ATP10B: variants seen among roughly 807,000 people sequenced by gnomAD.
ATP10B encodes the protein ATPase phospholipid transporting 10B (putative).
ATP10B carries 122 observed loss-of-function variants against 141.2 expected under a neutral mutation model. The observed-to-expected ratio is 0.86, with a 90% confidence interval of 0.75 to 1.00. The LOEUF is 1.00. Ranked by LOEUF, ATP10B falls within the 50% of genes least tolerant of loss-of-function variation. The pLI is 0.00. For synonymous variants in ATP10B, 685 were observed against 692.0 expected, an observed-to-expected ratio of 0.99 and a Z score of 0.16; for missense variants, 1,876 against 1,825.3, an observed-to-expected ratio of 1.03 and a Z score of -0.51.
the ATP10B span, among the ~76,000 whole-genome samples, chr5:160,916,223 T>C: frequency 6.6e-6 from 1 of 152,228 alleles, no homozygotes; most frequent in South Asian, 2.1e-4. Context: ...CCTTATCATG[T>C]CTGGATTTGG....
intron 13 of ATP10B, among the ~76,000 whole-genome samples, chr5:160,628,088 A>G (rs1758703264): frequency 6.6e-6 from 1 of 152,258 alleles, no homozygotes; most frequent in African/African-American, 2.4e-5. Flanking sequence ...TCTGGCCTTA[A>G]TGACATTTAG....
intron 3 of ATP10B, among the ~76,000 whole-genome samples, chr5:160,704,293 G>A (rs1764850514): frequency 6.6e-6 from 1 of 152,098 alleles, no homozygotes; most frequent in Non-Finnish European, 1.5e-5. Flanking sequence ...CTGACCTCAA[G>A]TGATCCTTCT....
In ATP10B at chr5:160,836,600, C is replaced by T. The variant is rs75336777; in HGVS notation, c.-576+15341G>A. ...TTCATTGCTTACTGAATAATACCCT[C>T]GGTGAACTACTTGCAAACTATCTTT... On this transcript the variant is annotated intron_variant, in intron 1 of 25. Transcript: ENST00000327245. Among the ~76,000 whole-genome samples the T allele has an allele frequency of 6.1e-3, 925 of 152,170 alleles. 14 individuals are homozygous for T. The highest frequency in any genetic ancestry group is 0.021 in the African/African-American group (889 of 41,522).
chr5:160,905,271 G>A, the ATP10B span, among the ~76,000 whole-genome samples: 5 of 152,312 alleles, frequency 3.3e-5, no homozygotes, highest in African/African-American at 1.2e-4. Flanking sequence ...TAGAATTGTA[G>A]GTAAGGAGGA....
At chr5:160,643,141 T>A (rs1318048366) in intron 9 of ATP10B, among the ~76,000 whole-genome samples, 1 of 152,168 alleles carries the variant, frequency 6.6e-6, no homozygotes, top group Non-Finnish European at 1.5e-5. Flanking sequence ...TCTCCCAAAT[T>A]AGGGAAAGCT....
At chr5:160,603,255 T>C (rs1757196846) in intron 20 of ATP10B, 1 of 154,866 alleles carries the variant, frequency 6.5e-6, no homozygotes, top group African/African-American at 2.4e-5. Flanking sequence ...GTATAAACTT[T>C]GGTCTAATTC....
chr5:160,567,989 G>T (rs147507025), intron 25 of ATP10B, among the ~76,000 whole-genome samples: 2 of 152,292 alleles, frequency 1.3e-5, no homozygotes, highest in East Asian at 3.9e-4. Flanking sequence ...CTTGGTGAAA[G>T]GCTAGATATG....
chr5:160,649,058 A>G, intron 8 of ATP10B, 113 bp downstream of exon 8: 1 of 682,598 alleles, frequency 1.5e-6, no homozygotes, highest in Non-Finnish European at 2.4e-6. Flanking sequence ...TCACACACAC[A>G]CAAATAAAAT....
intron 11 of ATP10B, among the ~76,000 whole-genome samples, chr5:160,635,537 T>C (rs1049611941): frequency 2.6e-5 from 4 of 152,070 alleles, no homozygotes; most frequent in African/African-American, 4.8e-5. Flanking sequence ...GAATGGAAAA[T>C]AATCACCAAT....
chr5:160,918,118 A>G, the ATP10B span, among the ~76,000 whole-genome samples: 1 of 152,226 alleles, frequency 6.6e-6, no homozygotes, highest in Non-Finnish European at 1.5e-5. Flanking sequence ...AGGGATGCAG[A>G]TGATCAAGCA....
chr5:160,885,555 G>T, the ATP10B span, among the ~76,000 whole-genome samples: 1 of 152,166 alleles, frequency 6.6e-6, no homozygotes, highest in African/African-American at 2.4e-5. Flanking sequence ...AGTCTTTGTT[G>T]CTGATGGAAA....
At chr5:160,886,870 GGTGACTATTAAAA>G in the ATP10B span, among the ~76,000 whole-genome samples, 1 of 152,090 alleles carries the variant, frequency 6.6e-6, no homozygotes, top group African/African-American at 2.4e-5. Flanking sequence ...TGCTATGTGA[GGTGACTATTAAAA>G]GAAATACTTT....
At position 160,599,105 on chromosome 5, in the gene ATP10B, G is replaced by A. The variant is rs887153689; in HGVS notation, c.3364-135C>T. ...CACACAGGGTTATGTAAGGATGAGA[G>A]AGAATTCTAATCCTCGGAGCAGTAG... On this transcript the variant is annotated intron_variant, in intron 21 of 25. Coordinates refer to ENST00000327245, the MANE Select transcript of ATP10B (RefSeq NM_025153.3). The A allele has an allele frequency of 5.7e-6, 4 of 696,802 alleles. No homozygotes were observed. In the African/African-American group the frequency reaches 7.2e-5, roughly 12 times the overall value. The allele number at this position is 696,802 out of a possible 1,614,324, so 43.2% of individuals were successfully genotyped here. A position where few individuals can be genotyped will look rare whatever the true frequency, so the allele number is the denominator to read the frequency against.
Position 160,650,229 on chromosome 5 carries a change from T to C in ATP10B, c.676-973A>G, listed in dbSNP as rs550882580. On this transcript the variant is annotated intron_variant, in intron 7 of 25. Coordinates refer to ENST00000327245, the MANE Select transcript of ATP10B (RefSeq NM_025153.3). Reference sequence around the variant, plus strand: ...ACACACATATGTACATATACACACATATATATATCTCCACACCCACATATA... The same window carrying C: ...ACACACATATGTACATATACACACACATATATATCTCCACACCCACATATA... Among the ~76,000 whole-genome samples, 176 of 151,858 alleles carry C rather than the reference T, an allele frequency of 1.2e-3. 2 individuals are homozygous for C. The highest frequency in any genetic ancestry group is 4.0e-4 in the Non-Finnish European group (27 of 67,950).
chr5:160,601,308 T>C (rs1370152095), intron 21 of ATP10B, among the ~76,000 whole-genome samples: 1 of 152,118 alleles, frequency 6.6e-6, no homozygotes, highest in African/African-American at 2.4e-5. Flanking sequence ...AGAGGAAAAA[T>C]TGCAATTTTG....
intron 2 of ATP10B, among the ~76,000 whole-genome samples, chr5:160,737,452 A>G (rs2127802206): frequency 6.6e-6 from 1 of 152,330 alleles, no homozygotes; most frequent in African/African-American, 2.4e-5. Flanking sequence ...CTGGAATGGA[A>G]GAAGCTAAAT....
rs1475604035 is a variant in ATP10B, at chr5:160,686,196, G to A, written c.353C>T (p.Thr118Ile). 1.9e-6 allele frequency: 3 copies of A among 1,612,976 alleles called. No individual in the cohort carries two copies. The highest frequency in any genetic ancestry group is 1.7e-6 in the Non-Finnish European group (2 of 1,179,282). ...CAGGACAATGGCCAATGGTAACATG[G>A]TGATTTCTCTGTGGAAGACTTCCAT... The part of the protein sequence containing the change: ...PSMEVFHREI[T>I]MLPLAIVLFV... Residue 118 changes from threonine to isoleucine, a missense_variant, in exon 6 of 26, where the codon ACC becomes ATC. By Grantham distance (89) the Thr-to-Ile change is moderately conservative (BLOSUM62 -1). Coordinates refer to ENST00000327245, the MANE Select transcript of ATP10B (RefSeq NM_025153.3).
rs1418201230 is a variant in ATP10B, at chr5:160,822,187, T to TA, written c.-576+29753dup. Among the ~76,000 whole-genome samples, 4 of 151,980 alleles carry TA rather than the reference T, an allele frequency of 2.6e-5. No individual in the cohort carries two copies. The South Asian group carries it at 6.2e-4, about 24-fold the overall frequency. On this transcript the variant is annotated intron_variant, in intron 1 of 25. Coordinates refer to ENST00000327245, the MANE Select transcript of ATP10B (RefSeq NM_025153.3). ...CAGGAAAAAAATCTAATAATCTGAT[T>TA]AAAAAATGGGTAAAATGTCTGAATA...
rs1407823671 is a variant in ATP10B at position 160,563,558 on chromosome 5, A to AGAG, written c.*1892_*1894dup. ...TATTACTGAGGGTGTTACAGCTTTC[A>AGAG]GAGGCTTTTTTACCACTGGGTTTCA... On this transcript the variant is annotated 3_prime_UTR_variant, in exon 26 of 26. Coordinates refer to ENST00000327245, the MANE Select transcript of ATP10B (RefSeq NM_025153.3). 2 of 152,170 alleles carry AGAG rather than the reference A, an allele frequency of 1.3e-5. No individual in the cohort carries two copies. The highest frequency in any genetic ancestry group is 4.8e-5 in the African/African-American group (2 of 41,432). 9.4% of individuals were successfully genotyped at this position (152,170 alleles called of 1,614,324 possible). A position where few individuals can be genotyped will look rare whatever the true frequency, so the allele number is the denominator to read the frequency against.
Sources: gnomAD v4.1 joint callset for allele counts (sites outside exome capture counted in the v4.1 genomes callset) on GRCh38, gnomAD v4.1.1 for gene constraint, MANE v1.5 for transcripts, NCBI Gene and HGNC (gene_info 2026-07-23, HGNC 2026-07-21) for gene names.